HTR1F: variants seen among roughly 807,000 people sequenced by gnomAD.
HTR1F encodes the protein 5-hydroxytryptamine (serotonin) receptor 1F, G protein-coupled.
A neutral mutation model predicts 24.0 loss-of-function variants in HTR1F; 17 were observed. That is an observed-to-expected ratio of 0.71 (90% CI 0.48 to 1.06). HTR1F has a LOEUF of 1.06. Among genes scored for constraint, HTR1F ranks in the 50% least tolerant of loss-of-function variants. The pLI, the probability that HTR1F is intolerant of heterozygous loss-of-function variation, is 0.00. For synonymous variants in HTR1F, 186 were observed against 156.8 expected, an observed-to-expected ratio of 1.19 and a Z score of -1.39; for missense variants, 391 against 427.8, an observed-to-expected ratio of 0.91 and a Z score of 0.76.
intron 2 of HTR1F, among the ~76,000 whole-genome samples, chr3:87,982,749 A>C (rs1705574113): frequency 6.6e-6 from 1 of 152,178 alleles, no homozygotes. Flanking sequence ...GGTGAATTTC[A>C]GGTCAGTGGC....
At chr3:87,916,302 C>CAAA (rs1227296855) in intron 2 of HTR1F, among the ~76,000 whole-genome samples, 1 of 23,190 alleles carries the variant, frequency 4.3e-5, no homozygotes, top group Non-Finnish European at 9.9e-5. Flanking sequence ...AGTTAAAAAG[C>CAAA]AAAAAAGAAA....
chr3:87,945,377 G>A (rs906204978), intron 2 of HTR1F, among the ~76,000 whole-genome samples: 7 of 152,150 alleles, frequency 4.6e-5, no homozygotes, highest in Non-Finnish European at 1.0e-4. Flanking sequence ...TTAGTACCTA[G>A]GAGGCAGGGA....
chr3:87,961,654 T>C (rs937110168), intron 2 of HTR1F, among the ~76,000 whole-genome samples: 2 of 152,040 alleles, frequency 1.3e-5, no homozygotes, highest in Non-Finnish European at 2.9e-5. Context: ...CTTTAATGTA[T>C]TACATGTGAA....
intron 2 of HTR1F, among the ~76,000 whole-genome samples, chr3:87,895,686 A>G (rs747636106): frequency 4.6e-5 from 7 of 152,174 alleles, no homozygotes; most frequent in Admixed American, 1.3e-4. Flanking sequence ...TCATCTTTAC[A>G]TTGCTCATTT....
At chr3:87,963,871 T>C (rs1705113009) in intron 2 of HTR1F, among the ~76,000 whole-genome samples, 1 of 152,160 alleles carries the variant, frequency 6.6e-6, no homozygotes, top group Non-Finnish European at 1.5e-5. Context: ...GCAAGGTCTA[T>C]ACTTCATTCT....
At chr3:87,930,391 G>T (rs1704232778) in intron 2 of HTR1F, among the ~76,000 whole-genome samples, 1 of 152,136 alleles carries the variant, frequency 6.6e-6, no homozygotes, top group Admixed American at 6.6e-5. Flanking sequence ...TCCAGCTTTT[G>T]CCCATTTGGT....
chr3:87,987,630 A>AT (rs1359892233), intron 2 of HTR1F, among the ~76,000 whole-genome samples: 1 of 62,222 alleles, frequency 1.6e-5, no homozygotes, highest in Admixed American at 2.7e-4. Flanking sequence ...ATATATATAT[A>AT]ATATATGTAT....
intron 2 of HTR1F, among the ~76,000 whole-genome samples, chr3:87,927,733 C>T (rs181503410): frequency 6.6e-6 from 1 of 152,050 alleles, no homozygotes; most frequent in Non-Finnish European, 1.5e-5. Context: ...TTTATTTATG[C>T]AACACATACT....
chr3:87,992,571 C>A lies in HTR1F; in HGVS notation c.*721C>A, dbSNP rs975556213. The A allele has an allele frequency of 1.3e-4, 22 of 166,904 alleles. No individual in the cohort carries two copies. Among genetic ancestry groups the A allele is most frequent in the Non-Finnish European group, 2.4e-4 (16 of 68,066 alleles). The allele number at this position is 166,904 out of a possible 1,614,324, so 10.3% of individuals were successfully genotyped here. A position where few individuals can be genotyped will look rare whatever the true frequency, so the allele number is the denominator to read the frequency against. On this transcript the variant is annotated 3_prime_UTR_variant, in exon 3 of 3. Coordinates refer to ENST00000319595, the MANE Select transcript of HTR1F (RefSeq NM_001322209.2). ...ATATTATCAGCATTTGAAATCAAAG[C>A]CTTACCTTAGTAACAATAACTCAAC...
In HTR1F at chr3:87,940,900, T is replaced by A. The variant is rs1704552505; in HGVS notation, c.-42-49808T>A. 2.0e-5 allele frequency among the ~76,000 whole-genome samples: 3 copies of A among 152,166 alleles called. No individual in the cohort carries two copies. The South Asian group carries it at 6.2e-4, about 32-fold the overall frequency. ...ATCATGAGATGTCCACACAGTAAGA[T>A]CTCTTCCCTGTATTATTTTAACTGC... On this transcript the variant is annotated intron_variant, in intron 2 of 2. Transcript: ENST00000319595.
At chr3:87,865,245 C>A (rs547241575) in intron 2 of HTR1F, among the ~76,000 whole-genome samples, 1 of 152,040 alleles carries the variant, frequency 6.6e-6, no homozygotes, top group Non-Finnish European at 1.5e-5. Flanking sequence ...CATTTTATTT[C>A]ATAATAACTC....
chr3:87,993,538 A>C lies in HTR1F; in HGVS notation c.*1688A>C, dbSNP rs1705883107. ...TTCACAAAGAATGTATCTAGAACACATGTCAAATACACAGCACTGGGGCAA... is the reference window on the plus strand; with the variant it reads ...TTCACAAAGAATGTATCTAGAACACCTGTCAAATACACAGCACTGGGGCAA... On this transcript the variant is annotated 3_prime_UTR_variant, in exon 3 of 3. Transcript: ENST00000319595. 6.0e-6 allele frequency: 1 copy of C among 167,048 alleles called. No individual in the cohort carries two copies. Among genetic ancestry groups the C allele is most frequent in the Non-Finnish European group, 1.5e-5 (1 of 68,118 alleles). The allele number at this position is 167,048 out of a possible 1,614,324, so 10.3% of individuals were successfully genotyped here. A position where few individuals can be genotyped will look rare whatever the true frequency, so the allele number is the denominator to read the frequency against.
rs191561318 is a variant in HTR1F, at chr3:87,918,295, T to G, written c.-42-72413T>G. Among the ~76,000 whole-genome samples, 4 of 152,098 alleles carry G rather than the reference T, an allele frequency of 2.6e-5. No homozygotes were observed. In the East Asian group the frequency reaches 7.7e-4, roughly 29 times the overall value. On this transcript the variant is annotated intron_variant, in intron 2 of 2. Transcript: ENST00000319595. ...AAGAGGAAAAAATGAAAGCATTCCC[T>G]CTGAGAACTGGAAGAAGACAAGGAT...
chr3:87,925,289 G>A (rs191541320), intron 2 of HTR1F, among the ~76,000 whole-genome samples: 151 of 152,222 alleles, frequency 9.9e-4, no homozygotes, highest in African/African-American at 3.5e-3. Context: ...GGACTCTAGG[G>A]GGCACATACA....
rs189019509 is a variant in HTR1F, at chr3:87,946,246, G to A, written c.-42-44462G>A. 4.1e-3 allele frequency among the ~76,000 whole-genome samples: 620 copies of A among 152,260 alleles called. 2 individuals are homozygous for A. The highest frequency in any genetic ancestry group is 5.5e-3 in the Non-Finnish European group (377 of 68,032). Reference sequence around the variant, plus strand: ...GCGGCGGTATGCGACGGCGGCAAACGGCAGTGGTGGACTTCGAGCAAAAGC... The same window carrying A: ...GCGGCGGTATGCGACGGCGGCAAACAGCAGTGGTGGACTTCGAGCAAAAGC... On this transcript the variant is annotated intron_variant, in intron 2 of 2. Transcript: ENST00000319595.
At chr3:87,877,605 A>G (rs559010765) in intron 2 of HTR1F, among the ~76,000 whole-genome samples, 1 of 152,316 alleles carries the variant, frequency 6.6e-6, no homozygotes, top group South Asian at 2.1e-4. Context: ...CACTGTTATT[A>G]TTCCCATTAC....
At chr3:87,953,739 G>A (rs545847256) in intron 2 of HTR1F, among the ~76,000 whole-genome samples, 1 of 151,876 alleles carries the variant, frequency 6.6e-6, no homozygotes, top group South Asian at 2.1e-4. Flanking sequence ...GCACCCCCAT[G>A]ATTAATGCAA....
intron 2 of HTR1F, among the ~76,000 whole-genome samples, chr3:87,931,026 CTTTTTT>C (rs34617109): frequency 0.014 from 1,881 of 131,832 alleles, 38 homozygotes; most frequent in African/African-American, 0.044. Flanking sequence ...ATAGTCTTTC[CTTTTTT>C]TTTTTTTTTT....
At chr3:87,805,871 C>T (rs142311559) in intron 1 of HTR1F, among the ~76,000 whole-genome samples, 3 of 152,218 alleles carry the variant, frequency 2.0e-5, no homozygotes, top group Non-Finnish European at 4.4e-5. Context: ...TGCTATCAAA[C>T]ATTAGAACTT....
Sources: gnomAD v4.1 joint callset for allele counts (sites outside exome capture counted in the v4.1 genomes callset) on GRCh38, gnomAD v4.1.1 for gene constraint, MANE v1.5 for transcripts, NCBI Gene and HGNC (gene_info 2026-07-23, HGNC 2026-07-21) for gene names.